The following CCDC50 variants were observed in gnomAD, a reference collection of about 807,000 sequenced individuals.
CCDC50 encodes coiled-coil domain-containing protein 50.
A neutral mutation model predicts 70.2 loss-of-function variants in CCDC50; 54 were observed. That is an observed-to-expected ratio of 0.77 (90% CI 0.62 to 0.96). The LOEUF (loss-of-function observed/expected upper bound fraction) is 0.96, where lower values mean the gene tolerates loss of function less well. CCDC50 is among the 50% of genes least tolerant of loss of function. The pLI is 0.00. For missense variants in CCDC50, 558 were observed against 578.7 expected (o/e 0.96, Z 0.37); for synonymous variants, 216 against 198.8 (o/e 1.09, Z -0.73).
Position 191,329,441 on chromosome 3 carries a change from AG to A in CCDC50, c.-233del. ...GTATCGATTGGGGCCGGGGACGCGG[AG>A]CAGGTGGCCGCGGCGGGGCAGCTGG... On this transcript the variant is annotated 5_prime_UTR_variant, in exon 1 of 12. Coordinates refer to ENST00000392455, the MANE Select transcript of CCDC50 (RefSeq NM_178335.3). 1 of 456,862 alleles carries A rather than the reference AG, an allele frequency of 2.2e-6. No homozygotes were observed. The highest frequency in any genetic ancestry group is 3.8e-6 in the Non-Finnish European group (1 of 260,362). The allele number at this position is 456,862 out of a possible 1,614,324, so 28.3% of individuals were successfully genotyped here. A position where few individuals can be genotyped will look rare whatever the true frequency, so the allele number is the denominator to read the frequency against.
At chr3:191,358,643 TTC>T (rs1712377697) in intron 3 of CCDC50, among the ~76,000 whole-genome samples, 2 of 152,234 alleles carry the variant, frequency 1.3e-5, no homozygotes, top group African/African-American at 4.8e-5. Context: ...CTGACAAAAG[TTC>T]TCTCTAGTAG....
rs199687225 is a variant in CCDC50, at chr3:191,375,240, G to A, written c.627G>A (p.Ser209=). ...SSKRSLSSSS[S]GKGRDNPHIN... ...AGAGATCCCTGTCATCCTCTAGCTC[G>A]GGCAAAGGGAGGGACAATCCCCATA... The change falls in exon 6 of 12, where the codon TCG becomes TCA. Residue 209 remains serine, a synonymous_variant. Coordinates refer to ENST00000392455, the MANE Select transcript of CCDC50 (RefSeq NM_178335.3). The A allele has an allele frequency of 4.2e-5, 67 of 1,613,714 alleles. 1 individual carries two copies. The highest frequency in any genetic ancestry group is 3.2e-4 in the Admixed American group (19 of 59,958).
intron 6 of CCDC50, among the ~76,000 whole-genome samples, chr3:191,379,200 A>C (rs1713221359): frequency 6.6e-6 from 1 of 152,054 alleles, no homozygotes; most frequent in African/African-American, 2.4e-5. Context: ...ACTCAAGGAC[A>C]GGGCACACCC....
chr3:191,364,277 T>C (rs1712600546), intron 4 of CCDC50, among the ~76,000 whole-genome samples: 1 of 151,944 alleles, frequency 6.6e-6, no homozygotes, highest in South Asian at 2.1e-4. Context: ...TCATGTTGGC[T>C]AGGATGGTAT....
At chr3:191,337,470 G>A (rs1056371254) in intron 1 of CCDC50, among the ~76,000 whole-genome samples, 10 of 151,614 alleles carry the variant, frequency 6.6e-5, no homozygotes, top group African/African-American at 2.4e-4. Flanking sequence ...TCAGCCTCCC[G>A]AGTAGCTGGG....
rs956668408 is a variant in CCDC50, at chr3:191,329,613, G to A, written c.-62G>A. The A allele has an allele frequency of 1.3e-6, 2 of 1,554,656 alleles. No individual in the cohort carries two copies. The highest frequency in any genetic ancestry group is 2.4e-5 in the South Asian group (2 of 84,994). ...GCGCTGCTGCTGCGCTCGGGGCCCC[G>A]CTCGGCGCCGGCGGTGACCGGGAAG... is the stretch of plus-strand genomic sequence containing the variant. On this transcript the variant is annotated 5_prime_UTR_variant, in exon 1 of 12. Transcript: ENST00000392455.
intron 1 of CCDC50, among the ~76,000 whole-genome samples, chr3:191,334,240 T>C (rs1031671668): frequency 2.6e-5 from 4 of 152,130 alleles, no homozygotes; most frequent in Non-Finnish European, 5.9e-5. Context: ...TGCATGGAGT[T>C]GTTGAAAGAA....
intron 10 of CCDC50, among the ~76,000 whole-genome samples, chr3:191,386,093 G>A (rs447931): frequency 2.6e-5 from 4 of 151,598 alleles, no homozygotes; most frequent in African/African-American, 4.9e-5. Flanking sequence ...GGATTGCCTC[G>A]GCTATGTGGC....
intron 1 of CCDC50, among the ~76,000 whole-genome samples, chr3:191,339,261 T>C (rs1711628048): frequency 6.6e-6 from 1 of 152,160 alleles, no homozygotes; most frequent in Non-Finnish European, 1.5e-5. Context: ...TTTAGAATGG[T>C]CTCTTTCAGG....
chr3:191,361,478 C>G (rs578047489), intron 4 of CCDC50, among the ~76,000 whole-genome samples: 170 of 152,306 alleles, frequency 1.1e-3, no homozygotes, highest in African/African-American at 4.0e-3. Context: ...AGTCTAAAAT[C>G]TGAAGTGTTG....
At chr3:191,383,723 C>T (rs1206568240) in intron 10 of CCDC50, among the ~76,000 whole-genome samples, 1 of 152,110 alleles carries the variant, frequency 6.6e-6, no homozygotes, top group Non-Finnish European at 1.5e-5. Flanking sequence ...CATTTGCTTT[C>T]AGAAGATAAT....
At chr3:191,343,872 T>C (rs1220172562) in intron 1 of CCDC50, among the ~76,000 whole-genome samples, 1 of 152,202 alleles carries the variant, frequency 6.6e-6, no homozygotes, top group African/African-American at 2.4e-5. Context: ...GAATACCTGG[T>C]TCACTTTACT....
At chr3:191,384,334 T>G (rs1204850521) in intron 10 of CCDC50, among the ~76,000 whole-genome samples, 1 of 152,190 alleles carries the variant, frequency 6.6e-6, no homozygotes, top group Non-Finnish European at 1.5e-5. Context: ...ATTTTCATAG[T>G]TAAAAGATAA....
intron 1 of CCDC50, among the ~76,000 whole-genome samples, chr3:191,336,825 G>A (rs1245890644): frequency 6.6e-6 from 1 of 152,150 alleles, no homozygotes; most frequent in African/African-American, 2.4e-5. Flanking sequence ...TTTTTGCAGT[G>A]ACAGCTCATT....
intron 1 of CCDC50, among the ~76,000 whole-genome samples, chr3:191,334,497 C>G (rs1386246189): frequency 2.0e-5 from 3 of 152,118 alleles, no homozygotes. Context: ...AACCACTGTT[C>G]TAGGCCAACT....
Position 191,375,165 on chromosome 3 carries a change from A to G in CCDC50, c.552A>G (p.Pro184=). ...GKTVKHKKEK[P]EHPLENLEEP... is the part of the protein sequence containing the mutation. ...CTGTGAAGCACAAGAAAGAGAAACC[A>G]GAACATCCACTGGAGAACTTGGAAG... Residue 184 remains proline, a synonymous_variant, in exon 6 of 12, where the codon CCA becomes CCG. Transcript: ENST00000392455. The G allele has an allele frequency of 1.2e-6, 2 of 1,613,868 alleles. No individual in the cohort carries two copies. Among genetic ancestry groups the G allele is most frequent in the Non-Finnish European group, 1.7e-6 (2 of 1,179,808 alleles).
rs961737170 is a variant in CCDC50, at chr3:191,394,929, A to G, written c.*3169A>G. 3.3e-5 allele frequency: 5 copies of G among 152,142 alleles called. No homozygotes were observed. The highest frequency in any genetic ancestry group is 9.6e-5 in the African/African-American group (4 of 41,454). 9.4% of individuals were successfully genotyped at this position (152,142 alleles called of 1,614,324 possible). On this transcript the variant is annotated 3_prime_UTR_variant, in exon 12 of 12. Transcript: ENST00000392455. Reference sequence around the variant, plus strand: ...TGGCTTTACATACTATTGAATTGCTATTTCCCAAGTTACTTTACAACCAGC... The same window carrying G: ...TGGCTTTACATACTATTGAATTGCTGTTTCCCAAGTTACTTTACAACCAGC...
At chr3:191,377,497 A>G (rs1259188022) in intron 6 of CCDC50, among the ~76,000 whole-genome samples, 3 of 152,128 alleles carry the variant, frequency 2.0e-5, no homozygotes, top group African/African-American at 2.4e-5. Context: ...TTACTTCTCT[A>G]TTGGACTATA....
At chr3:191,345,471 C>G (rs1207709183) in intron 1 of CCDC50, among the ~76,000 whole-genome samples, 1 of 152,168 alleles carries the variant, frequency 6.6e-6, no homozygotes, top group Admixed American at 6.5e-5. Flanking sequence ...CACTCCAGAT[C>G]ATTTGTGCTG....
Sources: gnomAD v4.1 joint callset for allele counts (sites outside exome capture counted in the v4.1 genomes callset) on GRCh38, gnomAD v4.1.1 for gene constraint, MANE v1.5 for transcripts, NCBI Gene and HGNC (gene_info 2026-07-23, HGNC 2026-07-21) for gene names.